Variants in VCPIP1 observed in about 807,000 individuals in gnomAD.
VCPIP1 encodes the protein deubiquitinating protein VCPIP1.
In VCPIP1, 8 loss-of-function variants were observed where a neutral mutation model predicts 85.0. The observed-to-expected ratio is 0.09, with a 90% CI of 0.06 to 0.17. The LOEUF is 0.17. VCPIP1 is among the 10% of genes least tolerant of loss of function. The pLI, the probability that VCPIP1 is intolerant of heterozygous loss-of-function variation, is 1.00. For missense variants in VCPIP1, 1,070 were observed against 1,486.3 expected (o/e 0.72, Z 4.61); for synonymous variants, 543 against 544.5 (o/e 1.00, Z 0.04).
At chr8:66,656,189 A>C (rs1811098322) in intron 1 of VCPIP1, among the ~76,000 whole-genome samples, 1 of 152,198 alleles carries the variant, frequency 6.6e-6, no homozygotes, top group Admixed American at 6.5e-5. Context: ...TAATTTTTAA[A>C]TTTTAGGTAT....
Position 66,666,616 on chromosome 8 carries a change from C to T in VCPIP1, c.343G>A (p.Glu115Lys). The T allele has an allele frequency of 6.2e-7, 1 of 1,614,146 alleles. No homozygotes were observed. Among genetic ancestry groups the T allele is most frequent in the Non-Finnish European group, 8.5e-7 (1 of 1,180,018 alleles). Reference protein sequence around the residue: ...GVTGAPKKNTELVKVMGLSNY... With the variant: ...GVTGAPKKNTKLVKVMGLSNY... Reference sequence around the variant, plus strand: ...GAAAGGCCCATCACCTTTACCAGTTCCGTGTTCTTCTTGGGTGCCCCCGTA... The same window carrying T: ...GAAAGGCCCATCACCTTTACCAGTTTCGTGTTCTTCTTGGGTGCCCCCGTA... The change falls in exon 1 of 3, where the codon GAA (glutamate) becomes AAA (lysine). Residue 115 changes from glutamate to lysine, a missense_variant. This residue lies in a region of VCPIP1 where 164 missense variants were observed against 158.6 expected (regional missense o/e 1.03). Coordinates refer to ENST00000310421, the MANE Select transcript of VCPIP1 (RefSeq NM_025054.5). This position sits in a 1 kb window ranked among gnomAD's most constrained non-coding sequence, Gnocchi z 6.3.
At chr8:66,649,490 T>TA (rs1280055853) in intron 2 of VCPIP1, among the ~76,000 whole-genome samples, 2 of 151,926 alleles carry the variant, frequency 1.3e-5, no homozygotes, top group African/African-American at 2.4e-5. Context: ...GCCCAGGAGA[T>TA]AGAGTGAGAC....
At chr8:66,664,181 G>C in intron 1 of VCPIP1, 68 bp downstream of exon 1, 1 of 1,423,992 alleles carries the variant, frequency 7.0e-7, no homozygotes, top group Non-Finnish European at 9.3e-7. Flanking sequence ...TTCCCCCAAA[G>C]ATAACAGGAA....
At chr8:66,637,665 A>G (rs567091713) in intron 2 of VCPIP1, among the ~76,000 whole-genome samples, 15 of 151,502 alleles carry the variant, frequency 9.9e-5, no homozygotes, top group Non-Finnish European at 1.9e-4. Context: ...TCTCTATCAC[A>G]TATCAACAAT....
At chr8:66,646,769 C>T (rs951588381) in intron 2 of VCPIP1, among the ~76,000 whole-genome samples, 1 of 151,854 alleles carries the variant, frequency 6.6e-6, no homozygotes, top group African/African-American at 2.4e-5. Flanking sequence ...TCCATCCAAC[C>T]TGGGTGACGG....
chr8:66,656,340 G>A (rs1811100275), intron 1 of VCPIP1, among the ~76,000 whole-genome samples: 1 of 151,912 alleles, frequency 6.6e-6, no homozygotes, highest in South Asian at 2.1e-4. Flanking sequence ...GACTACAGGC[G>A]TGTGCCACCA....
chr8:66,651,074 A>G (rs1811048915), intron 2 of VCPIP1, among the ~76,000 whole-genome samples: 1 of 149,552 alleles, frequency 6.7e-6, no homozygotes, highest in Non-Finnish European at 1.5e-5. Context: ...AATCCTAGCT[A>G]CTCGAGAAGC....
At chr8:66,659,703 G>A (rs1374662238) in intron 1 of VCPIP1, among the ~76,000 whole-genome samples, 3 of 152,084 alleles carry the variant, frequency 2.0e-5, no homozygotes, top group African/African-American at 4.8e-5. Context: ...AAGCCGAGGC[G>A]GTGGATTGTC....
chr8:66,647,599 GTTGAT>G (rs1445283196), intron 2 of VCPIP1, among the ~76,000 whole-genome samples: 1 of 152,054 alleles, frequency 6.6e-6, no homozygotes, highest in African/African-American at 2.4e-5. Flanking sequence ...CATATAGTCA[GTTGAT>G]TTAAGAAAAA....
At chr8:66,651,581 CA>C in intron 1 of VCPIP1, 37 bp from the exon 2 acceptor site, 1 of 1,556,686 alleles carries the variant, frequency 6.4e-7, no homozygotes, top group Non-Finnish European at 8.8e-7. Flanking sequence ...TAGCAACAAA[CA>C]AAAGAGTTCC....
intron 1 of VCPIP1, among the ~76,000 whole-genome samples, chr8:66,652,412 G>A (rs1049733956): frequency 1.3e-4 from 20 of 152,132 alleles, no homozygotes; most frequent in African/African-American, 4.6e-4. Flanking sequence ...TCAGGAGTTC[G>A]AGACCAGCCT....
intron 2 of VCPIP1, among the ~76,000 whole-genome samples, chr8:66,645,995 C>T (rs1380050704): frequency 1.3e-5 from 2 of 152,032 alleles, no homozygotes; most frequent in Non-Finnish European, 2.9e-5. Flanking sequence ...AAGATATCAA[C>T]TGTCCCCAAT....
At chr8:66,644,491 A>C (rs977197386) in intron 2 of VCPIP1, among the ~76,000 whole-genome samples, 21 of 152,214 alleles carry the variant, frequency 1.4e-4, no homozygotes, top group African/African-American at 5.1e-4. Context: ...CTCCATTCAT[A>C]ATATAAACTC....
At chr8:66,641,971 G>A (rs1314484566) in intron 2 of VCPIP1, among the ~76,000 whole-genome samples, 1 of 152,124 alleles carries the variant, frequency 6.6e-6, no homozygotes, top group Non-Finnish European at 1.5e-5. Flanking sequence ...AGAACTGCTG[G>A]ATCATATAGT....
At chr8:66,640,499 C>T (rs925357803) in intron 2 of VCPIP1, among the ~76,000 whole-genome samples, 1 of 152,178 alleles carries the variant, frequency 6.6e-6, no homozygotes, top group Admixed American at 6.5e-5. Flanking sequence ...CTAGTGGAGG[C>T]CCACCCTCAA....
chr8:66,648,067 G>A (rs1811013651), intron 2 of VCPIP1, among the ~76,000 whole-genome samples: 1 of 151,942 alleles, frequency 6.6e-6, no homozygotes, highest in African/African-American at 2.4e-5. Flanking sequence ...AAAGTGCTGG[G>A]ATTACAGGTG....
intron 1 of VCPIP1, 105 bp downstream of exon 1, chr8:66,664,144 A>G: frequency 1.5e-6 from 2 of 1,340,746 alleles, no homozygotes; most frequent in Non-Finnish European, 2.0e-6. Context: ...TATATAATTA[A>G]AAACTTACAA....
At chr8:66,646,221 TG>T (rs1314804054) in intron 2 of VCPIP1, among the ~76,000 whole-genome samples, 8 of 151,948 alleles carry the variant, frequency 5.3e-5, no homozygotes, top group Non-Finnish European at 1.0e-4. Flanking sequence ...TATGGGCGCA[TG>T]CCACCACACC....
At chr8:66,663,558 A>G (rs1030515663) in intron 1 of VCPIP1, among the ~76,000 whole-genome samples, 3 of 152,218 alleles carry the variant, frequency 2.0e-5, no homozygotes, top group African/African-American at 7.2e-5. Flanking sequence ...TTTGGTTAAT[A>G]TATTTTTCTT....
Sources: gnomAD v4.1 joint callset for allele counts (sites outside exome capture counted in the v4.1 genomes callset) on GRCh38, gnomAD v4.1.1 for gene constraint, gnomAD v4.1.1 regional missense constraint, Gnocchi (gnomAD v3.1) non-coding constraint, MANE v1.5 for transcripts, NCBI Gene and HGNC (gene_info 2026-07-23, HGNC 2026-07-21) for gene names.